Variants in GPR158 observed in about 807,000 individuals in gnomAD.
GPR158 encodes metabotropic glycine receptor.
GPR158 carries 30 observed loss-of-function variants against 78.2 expected under a neutral mutation model. That is an observed-to-expected ratio of 0.38 (90% CI 0.29 to 0.52). The LOEUF is 0.52. Among genes scored for constraint, GPR158 ranks in the 20% least tolerant of loss-of-function variants. GPR158 has a pLI of 0.83. For missense variants in GPR158, 1,463 were observed against 1,523.5 expected (o/e 0.96, Z 0.66); for synonymous variants, 581 against 591.1 (o/e 0.98, Z 0.25).
rs1044673591 is a variant in GPR158, at chr10:25,389,074, C to T, written c.1009-6837C>T. Among the ~76,000 whole-genome samples, 8 of 152,330 alleles carry T rather than the reference C, an allele frequency of 5.3e-5. No individual in the cohort carries two copies. In the East Asian group the frequency reaches 1.5e-3, roughly 29 times the overall value. On this transcript the variant is annotated intron_variant, in intron 2 of 10. Transcript: ENST00000376351. Reference sequence around the variant, plus strand: ...AGTGGCCTGCAGGCATCCCTTGGCACAAACAGCCTGGGTGCCATGAATGGT... The same window carrying T: ...AGTGGCCTGCAGGCATCCCTTGGCATAAACAGCCTGGGTGCCATGAATGGT...
intron 1 of GPR158, among the ~76,000 whole-genome samples, chr10:25,218,460 A>T (rs1853250220): frequency 6.6e-6 from 1 of 152,230 alleles, no homozygotes; most frequent in Non-Finnish European, 1.5e-5. Context: ...TTTCCAAGTT[A>T]GCCGATGTCT....
chr10:25,514,776 T>G (rs2130673485), intron 5 of GPR158, among the ~76,000 whole-genome samples: 1 of 152,302 alleles, frequency 6.6e-6, no homozygotes, highest in East Asian at 1.9e-4. Context: ...TTATGAAGCT[T>G]TGTTTTGCTG....
At chr10:25,323,998 G>A (rs1358478608) in intron 2 of GPR158, among the ~76,000 whole-genome samples, 1 of 152,224 alleles carries the variant, frequency 6.6e-6, no homozygotes, top group Non-Finnish European at 1.5e-5. Context: ...TAGAATTGAA[G>A]AGAGTTAGGG....
intron 4 of GPR158, among the ~76,000 whole-genome samples, chr10:25,431,684 A>G (rs1288136849): frequency 1.3e-5 from 2 of 151,076 alleles, no homozygotes; most frequent in Non-Finnish European, 3.0e-5. Context: ...CAGCCATAAA[A>G]AATGATGAGT....
At position 25,416,776 on chromosome 10, in the gene GPR158, A is replaced by G. The variant is rs1365015981; in HGVS notation, c.1335+4303A>G. ...CCTGAGAGATTAAGTTTCCAAAGGT[A>G]ACACAGCCAGGTTGAAAAGTTTATG... On this transcript the variant is annotated intron_variant, in intron 4 of 10. Transcript: ENST00000376351. Among the ~76,000 whole-genome samples, 3 of 152,330 alleles carry G rather than the reference A, an allele frequency of 2.0e-5. No individual in the cohort carries two copies. The South Asian group carries it at 6.2e-4, about 32-fold the overall frequency.
chr10:25,181,451 T>A (rs150508462), intron 1 of GPR158, among the ~76,000 whole-genome samples: 1 of 152,340 alleles, frequency 6.6e-6, no homozygotes, highest in African/African-American at 2.4e-5. Flanking sequence ...TTATAGTAAT[T>A]TGTAACTTAT....
chr10:25,451,117 C>A (rs1355944083), intron 4 of GPR158, among the ~76,000 whole-genome samples: 2 of 152,146 alleles, frequency 1.3e-5, no homozygotes, highest in African/African-American at 4.8e-5. Flanking sequence ...GGTAAACATT[C>A]TTGTGCATAT....
At chr10:25,449,045 A>C (rs1214436782) in intron 4 of GPR158, among the ~76,000 whole-genome samples, 1 of 152,142 alleles carries the variant, frequency 6.6e-6, no homozygotes, top group Admixed American at 6.5e-5. Context: ...GCATCCAAAA[A>C]CCTTGAATTT....
intron 2 of GPR158, among the ~76,000 whole-genome samples, chr10:25,356,577 TTA>T (rs879879009): frequency 0.06 from 9,124 of 152,026 alleles, 613 homozygotes; most frequent in African/African-American, 0.17. Flanking sequence ...TAAATGGGTC[TTA>T]CAAGATTTGA....
At chr10:25,310,232 C>G (rs1173055274) in intron 2 of GPR158, among the ~76,000 whole-genome samples, 11 of 152,146 alleles carry the variant, frequency 7.2e-5, no homozygotes, top group Admixed American at 7.2e-4. Context: ...CATATCTGCG[C>G]TCTCTGTTCA....
intron 5 of GPR158, among the ~76,000 whole-genome samples, chr10:25,532,975 C>G (rs774695789): frequency 3.7e-5 from 5 of 134,710 alleles, no homozygotes; most frequent in Admixed American, 3.7e-4. Flanking sequence ...GAATCAGATC[C>G]GCTTAATTCC....
At chr10:25,230,106 A>C (rs557367067) in intron 2 of GPR158, among the ~76,000 whole-genome samples, 6 of 152,362 alleles carry the variant, frequency 3.9e-5, no homozygotes, top group Admixed American at 1.3e-4. Flanking sequence ...AAATTCATTC[A>C]AAGTTAAAAT....
intron 2 of GPR158, among the ~76,000 whole-genome samples, chr10:25,304,439 A>G (rs1201162028): frequency 2.0e-5 from 3 of 152,108 alleles, no homozygotes. Context: ...AAGAGAGCCC[A>G]GGTTCAACTC....
chr10:25,280,788 T>C (rs1854257989), intron 2 of GPR158, among the ~76,000 whole-genome samples: 1 of 152,120 alleles, frequency 6.6e-6, no homozygotes, highest in African/African-American at 2.4e-5. Flanking sequence ...CGAATCTGAA[T>C]CAACACATTT....
chr10:25,598,169 C>T lies in GPR158; in HGVS notation c.2543C>T (p.Thr848Ile), dbSNP rs1429504834. ...SQEEETTENS[T>I]LESLSGKKLT... is the part of the protein sequence containing the mutation. ...GAGGAGGAGACAACAGAAAATTCCA[C>T]ACTGGAATCCCTGTCGGGTAAAAAA... The change falls in exon 11 of 11, where the codon ACA becomes ATA. Residue 848 changes from threonine to isoleucine, a missense_variant. By Grantham distance (89) the Thr-to-Ile change is moderately conservative. Coordinates refer to ENST00000376351, the MANE Select transcript of GPR158 (RefSeq NM_020752.3). The T allele has an allele frequency of 6.2e-7, 1 of 1,614,028 alleles. No individual in the cohort carries two copies. The highest frequency in any genetic ancestry group is 8.5e-7 in the Non-Finnish European group (1 of 1,180,030).
At chr10:25,484,207 C>T (rs1051111184) in intron 5 of GPR158, among the ~76,000 whole-genome samples, 2 of 152,194 alleles carry the variant, frequency 1.3e-5, no homozygotes, top group African/African-American at 4.8e-5. Flanking sequence ...CTGGCACACA[C>T]ACCCTGCAGC....
At chr10:25,230,616 A>C (rs906659665) in intron 2 of GPR158, among the ~76,000 whole-genome samples, 2 of 152,194 alleles carry the variant, frequency 1.3e-5, no homozygotes, top group African/African-American at 4.8e-5. Context: ...ATATCAAAAT[A>C]GCTATTATAT....
intron 5 of GPR158, among the ~76,000 whole-genome samples, chr10:25,479,343 C>G (rs1173053931): frequency 6.6e-6 from 1 of 151,886 alleles, no homozygotes; most frequent in Non-Finnish European, 1.5e-5. Flanking sequence ...TTCCTTTCAT[C>G]CTTTCTTTGT....
At chr10:25,307,014 TACAGAG>T (rs963892768) in intron 2 of GPR158, among the ~76,000 whole-genome samples, 9 of 123,232 alleles carry the variant, frequency 7.3e-5, no homozygotes, top group African/African-American at 3.1e-4. Context: ...CACACACACA[TACAGAG>T]AGAGAGAGAG....
Sources: allele counts gnomAD v4.1 joint callset (sites outside exome capture counted in the v4.1 genomes callset), GRCh38; gene constraint gnomAD v4.1.1; transcripts MANE v1.5; gene names NCBI Gene and HGNC (gene_info 2026-07-23, HGNC 2026-07-21).